TENM4: variants seen among roughly 807,000 people sequenced by gnomAD.
TENM4 encodes the protein teneurin transmembrane protein 4, also known as teneurin-4.
Under a neutral mutation model 243.3 loss-of-function variants are expected in TENM4, and 82 were observed. The ratio of observed to expected loss-of-function variants is 0.34; its 90% CI spans 0.28 to 0.40. TENM4 has a LOEUF of 0.40. Among genes scored for constraint, TENM4 ranks in the 10% least tolerant of loss-of-function variants. TENM4 has a pLI of 1.00. For missense variants in TENM4, 3,138 were observed against 3,673.3 expected, an observed-to-expected ratio of 0.85 and a Z score of 3.77; for synonymous variants, 1,412 against 1,456.3, an observed-to-expected ratio of 0.97 and a Z score of 0.69.
chr11:78,968,307 T>C (rs191600662), intron 6 of TENM4, among the ~76,000 whole-genome samples: 1 of 152,176 alleles, frequency 6.6e-6, no homozygotes, highest in Non-Finnish European at 1.5e-5. Flanking sequence ...TTGTTTGAGA[T>C]GGGGTCTTAC....
Position 78,701,978 on chromosome 11 carries a change from A to G in TENM4, c.4635T>C (p.Cys1545=). ...CGGCCACGTAGAGCTCCCCATCAGC[A>G]CACACAGCCAAGGAAGATGGGGTAT... is the stretch of plus-strand genomic sequence containing the variant. The part of the protein sequence containing the change: ...KLNTPSSLAV[C]ADGELYVADL... The change falls in exon 28 of 34, where the codon TGT becomes TGC. Residue 1545 remains cysteine (C), a synonymous_variant. Transcript: ENST00000278550. 9.3e-6 allele frequency: 15 copies of G among 1,614,016 alleles called. No individual in the cohort carries two copies. The highest frequency in any genetic ancestry group is 1.3e-5 in the Non-Finnish European group (15 of 1,179,894).
chr11:79,430,138 G>T (rs952244788), intron 1 of TENM4, among the ~76,000 whole-genome samples: 3 of 149,310 alleles, frequency 2.0e-5, no homozygotes, highest in Middle Eastern at 7.0e-3. Flanking sequence ...ACTTAGCAGC[G>T]TTGGGCTACT....
chr11:78,785,881 A>G (rs1856924350), intron 16 of TENM4, among the ~76,000 whole-genome samples: 1 of 152,144 alleles, frequency 6.6e-6, no homozygotes, highest in African/African-American at 2.4e-5. Flanking sequence ...CAGTTTCTCT[A>G]AGACCCAAGA....
At chr11:78,925,334 T>C (rs374871606) in intron 6 of TENM4, among the ~76,000 whole-genome samples, 1 of 152,028 alleles carries the variant, frequency 6.6e-6, no homozygotes, top group African/African-American at 2.4e-5. Flanking sequence ...TATGTATGTG[T>C]GTGTGTGTGT....
intron 6 of TENM4, among the ~76,000 whole-genome samples, chr11:78,904,622 T>G (rs936841658): frequency 2.0e-5 from 3 of 152,212 alleles, no homozygotes; most frequent in Non-Finnish European, 2.9e-5. Flanking sequence ...TAAATTCAGC[T>G]AATTCTCACA....
intron 4 of TENM4, among the ~76,000 whole-genome samples, chr11:79,111,374 T>A (rs1008872789): frequency 1.3e-5 from 2 of 152,174 alleles, no homozygotes; most frequent in East Asian, 3.9e-4. Context: ...TGAAACCGCA[T>A]CTCTACTAAA....
intron 6 of TENM4, among the ~76,000 whole-genome samples, chr11:78,967,075 C>T (rs1857453145): frequency 6.6e-6 from 1 of 152,160 alleles, no homozygotes; most frequent in Admixed American, 6.5e-5. Flanking sequence ...TTAGCTTCCA[C>T]TCATCCTTAG....
chr11:78,758,512 C>T (rs1856361817), intron 18 of TENM4, among the ~76,000 whole-genome samples: 1 of 152,194 alleles, frequency 6.6e-6, no homozygotes, highest in Admixed American at 6.5e-5. Flanking sequence ...CTCTGAGCCA[C>T]ATTTCATAAA....
At chr11:78,871,556 A>G (rs1859128564) in intron 9 of TENM4, among the ~76,000 whole-genome samples, 3 of 152,176 alleles carry the variant, frequency 2.0e-5, no homozygotes, top group African/African-American at 7.2e-5. Flanking sequence ...AGGGCCTGGG[A>G]CTGAGCTAAG....
rs368192884 is a variant in TENM4 at position 79,080,129 on chromosome 11, T to A, written c.-65-10120A>T. 1.1e-3 allele frequency among the ~76,000 whole-genome samples: 173 copies of A among 152,362 alleles called. 2 individuals are homozygous for A. In the South Asian group the frequency reaches 0.034, roughly 30 times the overall value. The stretch of plus-strand genomic sequence containing the variant: ...GACCGGGCTGGTCTGGGTGTCTGCA[T>A]CCTCTCTTCAGATTTAACATATCTC... On this transcript the variant is annotated intron_variant, in intron 4 of 33. Coordinates refer to ENST00000278550, the MANE Select transcript of TENM4 (RefSeq NM_001098816.3).
At chr11:78,882,860 G>C (rs932265797) in intron 9 of TENM4, among the ~76,000 whole-genome samples, 16 of 152,186 alleles carry the variant, frequency 1.1e-4, no homozygotes, top group Non-Finnish European at 2.1e-4. Context: ...CTTCAAGCAA[G>C]GGTTCTGATT....
chr11:78,766,208 T>G (rs1360073556), intron 18 of TENM4, among the ~76,000 whole-genome samples: 2 of 152,172 alleles, frequency 1.3e-5, no homozygotes, highest in Non-Finnish European at 2.9e-5. Context: ...GGTACAGATC[T>G]TGTACTTTTA....
rs940615738 is a variant in TENM4, at chr11:78,701,833, T to C, written c.4780A>G (p.Lys1594Glu). The C allele has an allele frequency of 6.2e-7, 1 of 1,613,892 alleles. No homozygotes were observed. Among genetic ancestry groups the C allele is most frequent in the Non-Finnish European group, 8.5e-7 (1 of 1,179,890 alleles). ...QELYLFDTTG[K>E]HLYTQSLPTG... ...GGCAGGCTTTGGGTGTACAGGTGCT[T>C]GCCGGTGGTATCAAACAGATAGAGC... The change falls in exon 28 of 34, where the codon AAG becomes GAG. Residue 1594 changes from lysine (K) to glutamate (E), a missense_variant. This residue lies in a region of TENM4 where 2,467 missense variants were observed against 3,059.1 expected (regional missense o/e 0.81). Transcript: ENST00000278550.
At chr11:78,896,022 C>T (rs563014428) in intron 7 of TENM4, among the ~76,000 whole-genome samples, 6 of 152,308 alleles carry the variant, frequency 3.9e-5, no homozygotes, top group African/African-American at 1.4e-4. Flanking sequence ...TCCCATGTGT[C>T]TGACTTAAGG....
intron 6 of TENM4, among the ~76,000 whole-genome samples, chr11:79,028,530 C>T (rs1294613303): frequency 6.6e-6 from 1 of 152,206 alleles, no homozygotes; most frequent in African/African-American, 2.4e-5. Flanking sequence ...CAAATTGGGT[C>T]AAGAAGGTTG....
intron 1 of TENM4, among the ~76,000 whole-genome samples, chr11:79,379,038 G>T (rs1417972309): frequency 6.6e-6 from 1 of 152,218 alleles, no homozygotes; most frequent in Non-Finnish European, 1.5e-5. Flanking sequence ...TACAGTGCTT[G>T]TAGGGGTAAG....
rs981042242 is a variant in TENM4, at chr11:78,748,568, C to T, written c.2756+8237G>A. Among the ~76,000 whole-genome samples the T allele has an allele frequency of 6.6e-5, 10 of 152,142 alleles. No homozygotes were observed. In the South Asian group the frequency reaches 8.3e-4, roughly 13 times the overall value. ...TGAGCAGGGAACATAAAGGACTCAGCGGAGAAGAAGACAGGCTCAGTACAT... is the reference window on the plus strand; with the variant it reads ...TGAGCAGGGAACATAAAGGACTCAGTGGAGAAGAAGACAGGCTCAGTACAT... On this transcript the variant is annotated intron_variant, in intron 19 of 33. Coordinates refer to ENST00000278550, the MANE Select transcript of TENM4 (RefSeq NM_001098816.3).
intron 11 of TENM4, 135 bp downstream of exon 11, chr11:78,855,826 GACT>G (rs1858667652): frequency 1.3e-6 from 1 of 794,756 alleles, no homozygotes; most frequent in Non-Finnish European, 2.0e-6. Flanking sequence ...GTCTGAGAGG[GACT>G]ACATGAATGA....
chr11:79,250,852 C>T (rs1161534279), intron 2 of TENM4, among the ~76,000 whole-genome samples: 2 of 152,298 alleles, frequency 1.3e-5, no homozygotes, highest in Non-Finnish European at 2.9e-5. Flanking sequence ...ACAATTACTT[C>T]ACAAACATGC....
Sources: gnomAD v4.1 joint callset for allele counts (sites outside exome capture counted in the v4.1 genomes callset) on GRCh38, gnomAD v4.1.1 for gene constraint, gnomAD v4.1.1 regional missense constraint, MANE v1.5 for transcripts, NCBI Gene and HGNC (gene_info 2026-07-23, HGNC 2026-07-21) for gene names.